The following SIMC1 variants were observed in gnomAD, a reference collection of about 807,000 sequenced individuals.
The protein encoded by SIMC1 is SUMO-interacting motif-containing protein 1.
SIMC1 carries 55 observed loss-of-function variants against 82.3 expected under a neutral mutation model. The ratio of observed to expected loss-of-function variants is 0.67; its 90% CI spans 0.54 to 0.84. SIMC1 has a LOEUF of 0.84. Ranked by LOEUF, SIMC1 falls within the 40% of genes least tolerant of loss-of-function variation. The pLI is 0.00. For missense variants in SIMC1, 915 were observed against 1,107.2 expected (o/e 0.83, Z 2.46); for synonymous variants, 353 against 426.3 (o/e 0.83, Z 2.12).
chr5:176,333,630 G>A (rs199980591), intron 7 of SIMC1, among the ~76,000 whole-genome samples: 6 of 152,160 alleles, frequency 3.9e-5, no homozygotes, highest in Admixed American at 1.3e-4. Flanking sequence ...GGGTTTCACC[G>A]TGTTGGCCAG....
chr5:176,281,032 A>G (rs541158090), intron 1 of SIMC1, among the ~76,000 whole-genome samples: 6 of 152,214 alleles, frequency 3.9e-5, no homozygotes, highest in Admixed American at 1.3e-4. Context: ...GTGTTTTCCA[A>G]CTTGGTTCCA....
At chr5:176,315,430 A>T (rs755748880) in intron 5 of SIMC1, among the ~76,000 whole-genome samples, 8 of 152,276 alleles carry the variant, frequency 5.3e-5, no homozygotes, top group Middle Eastern at 6.8e-3. Context: ...AACACTGGAG[A>T]TCACACCAAC....
chr5:176,313,510 T>C (rs779785356), intron 4 of SIMC1, 181 bp from the exon 5 acceptor site: 4 of 1,554,304 alleles, frequency 2.6e-6, no homozygotes, highest in Non-Finnish European at 2.6e-6. Context: ...GCAGTCACCC[T>C]ATTTGTCCTC....
intron 1 of SIMC1, among the ~76,000 whole-genome samples, chr5:176,271,930 A>T (rs201063356): frequency 6.4e-5 from 3 of 46,558 alleles, no homozygotes; most frequent in Admixed American, 2.4e-4. Flanking sequence ...ATTATATTAT[A>T]ATATATACTA....
chr5:176,316,516 A>AG (rs1764915859), intron 5 of SIMC1, among the ~76,000 whole-genome samples: 1 of 147,830 alleles, frequency 6.8e-6, no homozygotes, highest in South Asian at 2.1e-4. Flanking sequence ...AAAAATACAA[A>AG]AAAAAAAAAA....
intron 2 of SIMC1, among the ~76,000 whole-genome samples, chr5:176,294,311 G>A (rs1360791345): frequency 2.6e-5 from 4 of 151,630 alleles, no homozygotes; most frequent in African/African-American, 7.3e-5. Context: ...TTGGAGTCTC[G>A]CTCTGTCACC....
rs1340857291 is a variant in SIMC1 at position 176,261,759 on chromosome 5, G to GA, written c.129+23132dup. Among the ~76,000 whole-genome samples the GA allele has an allele frequency of 7.3e-3, 1,078 of 148,340 alleles. 4 individuals carry two copies. Among genetic ancestry groups the GA allele is most frequent in the Non-Finnish European group, 0.012 (798 of 66,744 alleles). On this transcript the variant is annotated intron_variant, in intron 1 of 9. Transcript: ENST00000429602. ...CAAGACTCTGTCTCAAAAAAAAAAGGAAAAAAAAAAGTTTTATGAATAAGT... is the reference window on the plus strand; with the variant it reads ...CAAGACTCTGTCTCAAAAAAAAAAGGAAAAAAAAAAAGTTTTATGAATAAGT...
At chr5:176,256,072 A>T in intron 1 of SIMC1, among the ~76,000 whole-genome samples, 1 of 152,170 alleles carries the variant, frequency 6.6e-6, no homozygotes, top group Non-Finnish European at 1.5e-5. Context: ...ACCTCAAAAT[A>T]TGAAATTACC....
intron 9 of SIMC1, among the ~76,000 whole-genome samples, chr5:176,344,729 A>T (rs1196339882): frequency 6.6e-6 from 1 of 152,180 alleles, no homozygotes; most frequent in Admixed American, 6.5e-5. Flanking sequence ...CATCACTAGA[A>T]CAGCACCAAG....
chr5:176,304,781 G>A (rs1764216381), intron 4 of SIMC1, among the ~76,000 whole-genome samples: 2 of 151,558 alleles, frequency 1.3e-5, no homozygotes, highest in South Asian at 2.1e-4. Flanking sequence ...AGGAAGTGAG[G>A]AGCGTCTCTG....
chr5:176,314,216 G>A (rs1049777424), intron 5 of SIMC1, among the ~76,000 whole-genome samples: 5 of 152,250 alleles, frequency 3.3e-5, no homozygotes, highest in Admixed American at 2.0e-4. Context: ...GCAGTGAGCC[G>A]AGATTGCGCC....
chr5:176,276,888 A>T (rs1176935563), intron 1 of SIMC1, among the ~76,000 whole-genome samples: 1 of 149,670 alleles, frequency 6.7e-6, no homozygotes, highest in South Asian at 2.1e-4. Flanking sequence ...TGCTATTGTG[A>T]ATAATGCCGC....
chr5:176,277,169 G>A (rs928228147), intron 1 of SIMC1, among the ~76,000 whole-genome samples: 2 of 151,824 alleles, frequency 1.3e-5, no homozygotes, highest in African/African-American at 4.9e-5. Context: ...ATCTCATTGT[G>A]GTTTTGATTT....
chr5:176,301,247 A>T (rs1431739654), intron 4 of SIMC1, among the ~76,000 whole-genome samples: 2 of 152,116 alleles, frequency 1.3e-5, no homozygotes, highest in Non-Finnish European at 1.5e-5. Flanking sequence ...CATAATAGTG[A>T]ATAAATCTCA....
At chr5:176,335,883 A>C (rs1765868391) in intron 7 of SIMC1, among the ~76,000 whole-genome samples, 1 of 152,058 alleles carries the variant, frequency 6.6e-6, no homozygotes, top group Admixed American at 6.6e-5. Context: ...TCTCTACAAA[A>C]AAAATAATAA....
intron 7 of SIMC1, 57 bp downstream of exon 7, chr5:176,324,814 C>T: frequency 6.7e-7 from 1 of 1,485,146 alleles, no homozygotes; most frequent in Non-Finnish European, 9.0e-7. Flanking sequence ...AAAAAAAACT[C>T]TTGGAAATCA....
intron 5 of SIMC1, among the ~76,000 whole-genome samples, chr5:176,314,419 T>C: frequency 6.6e-6 from 1 of 152,224 alleles, no homozygotes; most frequent in Non-Finnish European, 1.5e-5. Context: ...TATTTCAATA[T>C]TGTCCAAACA....
chr5:176,315,054 C>T (rs1764838403), intron 5 of SIMC1, among the ~76,000 whole-genome samples: 1 of 152,132 alleles, frequency 6.6e-6, no homozygotes, highest in African/African-American at 2.4e-5. Flanking sequence ...TTTCAACTTA[C>T]AGTGGTGTCT....
intron 1 of SIMC1, among the ~76,000 whole-genome samples, chr5:176,261,689 A>G (rs997076825): frequency 1.3e-5 from 2 of 151,856 alleles, no homozygotes; most frequent in African/African-American, 2.4e-5. Flanking sequence ...TGGAAGTTGC[A>G]TTGGGCTGAG....
Sources: allele counts gnomAD v4.1 joint callset (sites outside exome capture counted in the v4.1 genomes callset), GRCh38; gene constraint gnomAD v4.1.1; transcripts MANE v1.5; gene names NCBI Gene and HGNC (gene_info 2026-07-23, HGNC 2026-07-21).